HOOK1: variants seen among roughly 807,000 people sequenced by gnomAD.
HOOK1 encodes hook microtubule tethering protein 1.
A neutral mutation model predicts 112.8 loss-of-function variants in HOOK1; 60 were observed. That is an observed-to-expected ratio of 0.53 (90% CI 0.43 to 0.66). The LOEUF (loss-of-function observed/expected upper bound fraction) is 0.66, where lower values mean the gene tolerates loss of function less well. HOOK1 is among the 30% of genes least tolerant of loss of function. The pLI is 0.00. For missense variants in HOOK1, 770 were observed against 856.0 expected, an observed-to-expected ratio of 0.90 and a Z score of 1.25; for synonymous variants, 294 against 283.8, an observed-to-expected ratio of 1.04 and a Z score of -0.36.
At chr1:59,833,844 A>G (rs1040154661) in intron 5 of HOOK1, among the ~76,000 whole-genome samples, 6 of 152,200 alleles carry the variant, frequency 3.9e-5, no homozygotes, top group African/African-American at 1.4e-4. Context: ...TTCATTTGAT[A>G]CATTATGTCT....
intron 1 of HOOK1, among the ~76,000 whole-genome samples, chr1:59,820,054 CAAAGAA>C (rs2098384428): frequency 6.6e-6 from 1 of 152,162 alleles, no homozygotes; most frequent in Admixed American, 6.5e-5. Flanking sequence ...CAAAATATGC[CAAAGAA>C]TGTTACTCTT....
chr1:59,848,634 C>G, intron 11 of HOOK1, 118 bp downstream of exon 11: 1 of 641,598 alleles, frequency 1.6e-6, no homozygotes, highest in Non-Finnish European at 2.6e-6. Context: ...AAGCTATGAA[C>G]TTATTCTGAT....
chr1:59,854,015 TATATATATATATATATATATA>T (rs2098408750), intron 12 of HOOK1, among the ~76,000 whole-genome samples: 3 of 21,046 alleles, frequency 1.4e-4, no homozygotes, highest in Admixed American at 3.5e-4. Flanking sequence ...TATATATATA[TATATATATATATATATATATA>T]TATTTTTTTT....
intron 20 of HOOK1, 91 bp downstream of exon 20, chr1:59,868,442 T>C: frequency 1.2e-6 from 1 of 805,418 alleles, no homozygotes; most frequent in East Asian, 2.6e-5. Context: ...TGATCAAGTT[T>C]TACAAGAAGT....
chr1:59,866,331 A>C (rs537539436), intron 19 of HOOK1, among the ~76,000 whole-genome samples: 1 of 152,222 alleles, frequency 6.6e-6, no homozygotes, highest in Non-Finnish European at 1.5e-5. Context: ...TTCTAGAAAC[A>C]GCAAAATGGA....
At chr1:59,851,396 G>A (rs2098407070) in intron 12 of HOOK1, among the ~76,000 whole-genome samples, 3 of 151,546 alleles carry the variant, frequency 2.0e-5, no homozygotes, top group African/African-American at 7.2e-5. Context: ...TTTTAAACAT[G>A]TATTCCTAAG....
At chr1:59,837,643 G>A (rs113834886) in intron 7 of HOOK1, among the ~76,000 whole-genome samples, 5,218 of 152,114 alleles carry the variant, frequency 0.034, 82 homozygotes, top group Middle Eastern at 0.041. Flanking sequence ...ATGTAGTTCT[G>A]TGGGACTGTA....
intron 2 of HOOK1, among the ~76,000 whole-genome samples, chr1:59,826,823 C>T (rs2098390305): frequency 6.6e-6 from 1 of 152,170 alleles, no homozygotes; most frequent in South Asian, 2.1e-4. Context: ...AGTGCAAAGG[C>T]ACAATCTTGG....
chr1:59,826,561 T>TG (rs2098390084), intron 2 of HOOK1, among the ~76,000 whole-genome samples: 1 of 152,192 alleles, frequency 6.6e-6, no homozygotes, highest in Non-Finnish European at 1.5e-5. Flanking sequence ...GGAATTATCT[T>TG]GGAAAAACTA....
intron 8 of HOOK1, among the ~76,000 whole-genome samples, chr1:59,842,107 T>C (rs1461405686): frequency 1.3e-5 from 2 of 152,156 alleles, no homozygotes; most frequent in Non-Finnish European, 2.9e-5. Flanking sequence ...CCCTTGGTCC[T>C]ATTCGTTTTT....
intron 20 of HOOK1, 178 bp from the exon 21 acceptor site, chr1:59,870,864 T>C (rs1219164130): frequency 7.5e-6 from 4 of 530,154 alleles, no homozygotes; most frequent in South Asian, 5.0e-5. Flanking sequence ...CCTTATTCTT[T>C]CCTAAAGGTG....
At chr1:59,858,562 G>C in intron 13 of HOOK1, 47 bp downstream of exon 13, 1 of 1,213,046 alleles carries the variant, frequency 8.2e-7, no homozygotes, top group Non-Finnish European at 1.2e-6. Context: ...GCAGCATAGT[G>C]GGACTCCATT....
intron 6 of HOOK1, among the ~76,000 whole-genome samples, chr1:59,836,127 A>C (rs1393525522): frequency 6.6e-6 from 1 of 152,092 alleles, no homozygotes; most frequent in Non-Finnish European, 1.5e-5. Flanking sequence ...CATTTTCAAA[A>C]TGTTAGATCT....
intron 1 of HOOK1, among the ~76,000 whole-genome samples, chr1:59,815,541 C>A (rs1359870121): frequency 6.6e-6 from 1 of 151,012 alleles, no homozygotes; most frequent in Non-Finnish European, 1.5e-5. Flanking sequence ...CCCGAGCCCT[C>A]CACTTTCTGG....
chr1:59,823,236 C>A (rs923473314), intron 2 of HOOK1, among the ~76,000 whole-genome samples: 13 of 152,188 alleles, frequency 8.5e-5, no homozygotes, highest in Non-Finnish European at 1.6e-4. Context: ...AGGAGAATGG[C>A]GTGAACCTGG....
rs58867974 is a variant in HOOK1 at position 59,873,725 on chromosome 1, CTATATATATATATATATATATA to C, written c.*779_*800del. 16 of 56,226 alleles carry C rather than the reference CTATATATATATATATATATATA, an allele frequency of 2.8e-4. 1 individual carries two copies. The highest frequency in any genetic ancestry group is 1.6e-3 in the East Asian group (2 of 1,268). The allele number at this position is 56,226 out of a possible 1,614,324, so 3.5% of individuals were successfully genotyped here. On this transcript the variant is annotated 3_prime_UTR_variant, in exon 22 of 22. Coordinates refer to ENST00000371208, the MANE Select transcript of HOOK1 (RefSeq NM_015888.6). ...AGGTGACTTTCTGATGGAAAGCAAGCTATATATATATATATATATATATATATATATATATATATACTTTTTG... is the reference window on the plus strand; with the variant it reads ...AGGTGACTTTCTGATGGAAAGCAAGCTATATATATATATATATACTTTTTG...
intron 12 of HOOK1, among the ~76,000 whole-genome samples, chr1:59,853,770 A>T (rs1193310290): frequency 6.6e-6 from 1 of 151,030 alleles, no homozygotes; most frequent in Admixed American, 6.6e-5. Flanking sequence ...GTTATGGGGG[A>T]TTACAATTAG....
intron 8 of HOOK1, among the ~76,000 whole-genome samples, chr1:59,842,299 C>A (rs2098401438): frequency 6.6e-6 from 1 of 152,032 alleles, no homozygotes; most frequent in African/African-American, 2.4e-5. Flanking sequence ...TACATTTCTA[C>A]TGTAAGGGTC....
At chr1:59,830,655 C>A (rs961970941) in intron 3 of HOOK1, among the ~76,000 whole-genome samples, 1 of 151,856 alleles carries the variant, frequency 6.6e-6, no homozygotes, top group African/African-American at 2.4e-5. Flanking sequence ...GTATTTGATT[C>A]TTTATTGTAA....
Sources: allele counts gnomAD v4.1 joint callset (sites outside exome capture counted in the v4.1 genomes callset), GRCh38; gene constraint gnomAD v4.1.1; transcripts MANE v1.5; gene names NCBI Gene and HGNC (gene_info 2026-07-23, HGNC 2026-07-21).